PCDHA1: variants seen among roughly 807,000 people sequenced by gnomAD.
PCDHA1 encodes protocadherin alpha 1.
A neutral mutation model predicts 61.3 loss-of-function variants in PCDHA1; 42 were observed. The ratio of observed to expected loss-of-function variants is 0.69; its 90% confidence interval spans 0.54 to 0.89. The LOEUF (loss-of-function observed/expected upper bound fraction) is 0.89. Ranked by LOEUF, PCDHA1 falls within the 40% of genes least tolerant of loss-of-function variation. The probability of loss-of-function intolerance (pLI) is 0.00; values close to 1 mark genes in which losing one functional copy is unlikely to be tolerated. For synonymous variants in PCDHA1, 610 were observed against 553.8 expected (o/e 1.10, Z -1.43); for missense variants, 1,256 against 1,235.3 (o/e 1.02, Z -0.25).
chr5:140,815,965 T>C (rs1765823391), intron 1 of PCDHA1: 1 of 152,228 alleles, frequency 6.6e-6, no homozygotes, highest in Non-Finnish European at 1.5e-5. Context: ...AGGGGTGTTC[T>C]TTTGTACGTG....
At chr5:141,000,361 GTCTCTCTCTCTCTCTCTC>G (rs148596731) in intron 3 of PCDHA1, among the ~76,000 whole-genome samples, 25 of 26,446 alleles carry the variant, frequency 9.5e-4, no homozygotes, top group African/African-American at 4.9e-3. Context: ...GTCTCTCTCT[GTCTCTCTCTCTCTCTCTC>G]TCTCTCTCTC....
rs1269379462 is a variant in PCDHA1, at chr5:141,005,696, C to T, written c.2543-3931C>T. 3.0e-4 allele frequency among the ~76,000 whole-genome samples: 31 copies of T among 105,030 alleles called. No individual in the cohort carries two copies. In the East Asian group the frequency reaches 8.2e-3, roughly 28 times the overall value. 68.9% of individuals were successfully genotyped at this position (105,030 alleles called of 152,430 possible). ...CAGCCTGGGCGACAGAGCGAAACTC[C>T]GTCTCAAAAAAAAAAAAAAAAAAAA... is the stretch of plus-strand genomic sequence containing the variant. On this transcript the variant is annotated intron_variant, in intron 3 of 3. Transcript: ENST00000504120.
Position 140,974,355 on chromosome 5 carries a change from C to T in PCDHA1, c.2395-4594C>T, listed in dbSNP as rs113314336. Among the ~76,000 whole-genome samples the T allele has an allele frequency of 6.8e-3, 1,038 of 152,272 alleles. 15 individuals are homozygous for T. The highest frequency in any genetic ancestry group is 0.024 in the African/African-American group (1,003 of 41,550). ...AGCAGGCTATGCATCCAGAACTAAA[C>T]AGACCTAGCACTTTCTGTTGTACTG... is the stretch of plus-strand genomic sequence containing the variant. On this transcript the variant is annotated intron_variant, in intron 1 of 3. Transcript: ENST00000504120.
chr5:140,957,792 T>C (rs148659760), intron 1 of PCDHA1, among the ~76,000 whole-genome samples: 1 of 152,230 alleles, frequency 6.6e-6, no homozygotes, highest in East Asian at 1.9e-4. Flanking sequence ...TCATCATATA[T>C]GTTAAGTAAA....
Position 140,924,886 on chromosome 5 carries a change from A to C in PCDHA1, c.2395-54063A>C, listed in dbSNP as rs190850675. ...CTCCAGCCTGGGTGACAGAGCAAGAACCTGTCTCAAAAAAAAAAATAAAAT... is the reference window on the plus strand; with the variant it reads ...CTCCAGCCTGGGTGACAGAGCAAGACCCTGTCTCAAAAAAAAAAATAAAAT... On this transcript the variant is annotated intron_variant, in intron 1 of 3. Transcript: ENST00000504120. Among the ~76,000 whole-genome samples, 1,191 of 137,252 alleles carry C rather than the reference A, an allele frequency of 8.7e-3. 7 individuals carry two copies. Among genetic ancestry groups the C allele is most frequent in the African/African-American group, 0.022 (767 of 35,510 alleles). The allele number at this position is 137,252 out of a possible 152,430, so 90.0% of individuals were successfully genotyped here.
At chr5:140,908,727 G>A (rs1388044565) in intron 1 of PCDHA1, among the ~76,000 whole-genome samples, 1 of 152,136 alleles carries the variant, frequency 6.6e-6, no homozygotes, top group Non-Finnish European at 1.5e-5. Context: ...GGGTCATATG[G>A]CTCGAGAAAC....
intron 1 of PCDHA1, chr5:140,801,300 G>T: frequency 6.2e-7 from 1 of 1,613,456 alleles, no homozygotes; most frequent in Non-Finnish European, 8.5e-7. Context: ...CCACTACTCC[G>T]TCTCTGAGGA....
intron 1 of PCDHA1, among the ~76,000 whole-genome samples, chr5:140,885,376 G>T (rs1242393742): frequency 6.6e-6 from 1 of 152,032 alleles, no homozygotes; most frequent in Non-Finnish European, 1.5e-5. Context: ...AGTACCTTTT[G>T]GCAGTCCCTG....
chr5:140,822,962 T>C, intron 1 of PCDHA1: 1 of 1,614,240 alleles, frequency 6.2e-7, no homozygotes, highest in East Asian at 2.2e-5. Flanking sequence ...CCCTTCAAGC[T>C]GGTGTCCACC....
intron 1 of PCDHA1, chr5:140,882,963 T>C (rs2059384915): frequency 3.7e-6 from 6 of 1,614,088 alleles, no homozygotes; most frequent in Admixed American, 1.7e-5. Context: ...CTCATCACGA[T>C]TCTGGACGTG....
intron 1 of PCDHA1, chr5:140,883,849 G>A (rs2059850853): frequency 1.2e-6 from 2 of 1,612,940 alleles, no homozygotes; most frequent in East Asian, 2.2e-5. Context: ...ACCACGAGGA[G>A]CTGGAGCTGT....
intron 1 of PCDHA1, chr5:140,877,590 G>T: frequency 1.2e-6 from 2 of 1,613,826 alleles, no homozygotes; most frequent in Non-Finnish European, 1.7e-6. Flanking sequence ...CCATCTGTGC[G>T]GTGTCCAGCC....
At position 140,788,625 on chromosome 5, in the gene PCDHA1, A is replaced by G. The variant is rs1295101383; in HGVS notation, c.2335A>G (p.Ser779Gly). ...GGCCTTCAGCCCAGGCCTATCTCCA[A>G]GTCTTAACACGTCAGAAAGAAATGA... ...LMAFSPGLSP[S>G]LNTSERNEQP... Residue 779 changes from serine (S) to glycine (G), a missense_variant, in exon 1 of 4, where the codon AGT becomes GGT. By Grantham distance (56) the Ser-to-Gly change is moderately conservative (BLOSUM62 0). Coordinates refer to ENST00000504120, the MANE Select transcript of PCDHA1 (RefSeq NM_018900.4). The G allele has an allele frequency of 6.2e-7, 1 of 1,612,642 alleles. No homozygotes were observed. Among genetic ancestry groups the G allele is most frequent in the Non-Finnish European group, 8.5e-7 (1 of 1,179,276 alleles).
At chr5:140,824,066 C>A (rs1554129713) in intron 1 of PCDHA1, 1 of 1,614,046 alleles carries the variant, frequency 6.2e-7, no homozygotes, top group African/African-American at 1.3e-5. Context: ...GAAGCTCCAC[C>A]CAAAACAGAC....
At chr5:140,848,403 G>A (rs1052101954) in intron 1 of PCDHA1, 4 of 1,316,724 alleles carry the variant, frequency 3.0e-6, no homozygotes. Context: ...GCTGAACGAT[G>A]GCGAACACAG....
In PCDHA1 at chr5:140,870,834, C is replaced by T. The variant is rs370941881; in HGVS notation, c.2394+82150C>T. ...CTGGCAGCGCGGGAGGCGCAGTTAA[C>T]AAGCTAGTACCGCGGTCGGTGGGTG... On this transcript the variant is annotated intron_variant, in intron 1 of 3. Transcript: ENST00000504120. 184 of 1,613,806 alleles carry T rather than the reference C, an allele frequency of 1.1e-4. 2 individuals are homozygous for T. In the South Asian group the frequency reaches 1.5e-3, roughly 13 times the overall value.
At chr5:140,966,731 G>C (rs2096045524) in intron 1 of PCDHA1, 3 of 1,405,020 alleles carry the variant, frequency 2.1e-6, no homozygotes, top group Non-Finnish European at 2.8e-6. Flanking sequence ...TGCCGCCTCC[G>C]GCCCTGCCCG....
chr5:140,786,372 A>G lies in PCDHA1; in HGVS notation c.82A>G (p.Ser28Gly). 6.2e-7 allele frequency: 1 copy of G among 1,613,712 alleles called. No homozygotes were observed. Among genetic ancestry groups the G allele is most frequent in the Non-Finnish European group, 8.5e-7 (1 of 1,180,014 alleles). Residue 28 changes from serine to glycine, a missense_variant, in exon 1 of 4, where the codon AGC becomes GGC. Physicochemically the swap from Ser to Gly is moderately conservative, Grantham distance 56. Coordinates refer to ENST00000504120, the MANE Select transcript of PCDHA1 (RefSeq NM_018900.4). ...LLLLAAWEVG[S>G]GQLHYSIPEE... ...GCTCCTCGCAGCCTGGGAGGTGGGG[A>G]GCGGCCAGCTCCACTACTCGATCCC...
Position 140,871,268 on chromosome 5 carries a change from G to T in PCDHA1, c.2394+82584G>T, listed in dbSNP as rs368729446. ...CTGCTGCTGTATACGGCGCTGTGGTGGTCGGCAACGCCCACTGAGGGCGCG... is the reference window on the plus strand; with the variant it reads ...CTGCTGCTGTATACGGCGCTGTGGTTGTCGGCAACGCCCACTGAGGGCGCG... On this transcript the variant is annotated intron_variant, in intron 1 of 3. Transcript: ENST00000504120. 53 of 1,613,850 alleles carry T rather than the reference G, an allele frequency of 3.3e-5. No homozygotes were observed. The African/African-American group carries it at 6.7e-4, about 20-fold the overall frequency.
Sources: allele counts gnomAD v4.1 joint callset (sites outside exome capture counted in the v4.1 genomes callset), GRCh38; gene constraint gnomAD v4.1.1; transcripts MANE v1.5; gene names NCBI Gene and HGNC (gene_info 2026-07-23, HGNC 2026-07-21).